The following SLITRK5 variants were observed in gnomAD, a reference collection of about 807,000 sequenced individuals.
SLITRK5 encodes SLIT and NTRK-like protein 5.
Under a neutral mutation model 56.2 loss-of-function variants are expected in SLITRK5, and 23 were observed. The ratio of observed to expected loss-of-function variants is 0.41; its 90% CI spans 0.29 to 0.58. SLITRK5 has a LOEUF of 0.58. Ranked by LOEUF, SLITRK5 falls within the 20% of genes least tolerant of loss-of-function variation. The pLI is 0.30. For missense variants in SLITRK5, 1,289 were observed against 1,226.6 expected (o/e 1.05, Z -0.76); for synonymous variants, 637 against 531.8 (o/e 1.20, Z -2.72).
In SLITRK5 at chr13:87,676,628, A is replaced by T. The variant is rs773460084; in HGVS notation, c.1240A>T (p.Met414Leu). 2 of 1,613,984 alleles carry T rather than the reference A, an allele frequency of 1.2e-6. No homozygotes were observed. Among genetic ancestry groups the T allele is most frequent in the East Asian group, 2.2e-5 (1 of 44,844 alleles). The stretch of plus-strand genomic sequence containing the variant: ...GCCCAAGCCCTACAATCCCAAGAAA[A>T]TGTATCTGACAGAGAACTACATCGC... ...LQPKPYNPKKMYLTENYIAVV... is the reference protein window; with the variant it reads ...LQPKPYNPKKLYLTENYIAVV... Residue 414 changes from methionine (M) to leucine (L), a missense_variant, in exon 2 of 2, where the codon ATG becomes TTG. Met to Leu is a conservative substitution (Grantham distance 15, BLOSUM62 2). This residue lies in a region of SLITRK5 where 985 missense variants were observed against 906.0 expected (regional missense o/e 1.09). Coordinates refer to ENST00000683689, the MANE Select transcript of SLITRK5 (RefSeq NM_001384609.1).
At chr13:87,673,652 G>A in intron 1 of SLITRK5, 1 of 557,758 alleles carries the variant, frequency 1.8e-6, no homozygotes, top group African/African-American at 1.9e-5. Flanking sequence ...TGCGTTGGGA[G>A]GTCGGGGATA....
chr13:87,676,810 G>C lies in SLITRK5; in HGVS notation c.1422G>C (p.Pro474=), dbSNP rs768262602. The change falls in exon 2 of 2, where the codon CCG becomes CCC. Residue 474 remains proline (P), a synonymous_variant. Coordinates refer to ENST00000683689, the MANE Select transcript of SLITRK5 (RefSeq NM_001384609.1). ...GCAACAGGATCGAGAGGCTGAGCCC[G>C]GAGTTATTCTATGGCCTGCAGAGCC... ...LNGNRIERLS[P]ELFYGLQSLQ... The C allele has an allele frequency of 2.5e-6, 4 of 1,614,078 alleles. No homozygotes were observed. The East Asian group carries it at 6.7e-5, about 27-fold the overall frequency.
chr13:87,673,440 A>G (rs1593970524), intron 1 of SLITRK5: 1 of 554,754 alleles, frequency 1.8e-6, no homozygotes, highest in Non-Finnish European at 3.1e-6. Flanking sequence ...TACTGGCTGG[A>G]CTGAATTTGC....
chr13:87,678,276 ACT>A lies in SLITRK5; in HGVS notation c.*16_*17del. On this transcript the variant is annotated 3_prime_UTR_variant, in exon 2 of 2. Transcript: ENST00000683689. ...TTTAGCCAGTTCTAAAAGCAAAGAA[ACT>A]CTCTTGGAGCTTTTGCATTTAAAAC... 1.3e-6 allele frequency: 2 copies of A among 1,587,476 alleles called. No individual in the cohort carries two copies. Among genetic ancestry groups the A allele is most frequent in the Non-Finnish European group, 1.7e-6 (2 of 1,165,700 alleles).
At position 87,676,547 on chromosome 13, in the gene SLITRK5, C is replaced by G; in HGVS notation, c.1159C>G (p.Leu387Val). 1 of 1,614,170 alleles carries G rather than the reference C, an allele frequency of 6.2e-7. No homozygotes were observed. Among genetic ancestry groups the G allele is most frequent in the Non-Finnish European group, 8.5e-7 (1 of 1,180,042 alleles). ...ACSCNLQISDLGLNVNCQERK... is the reference protein window; with the variant it reads ...ACSCNLQISDVGLNVNCQERK... ...CTCTTGCAACCTGCAGATCTCTGATCTGGGCCTCAACGTAAACTGCCAGGA... is the reference window on the plus strand; with the variant it reads ...CTCTTGCAACCTGCAGATCTCTGATGTGGGCCTCAACGTAAACTGCCAGGA... The change falls in exon 2 of 2, where the codon CTG becomes GTG. Residue 387 changes from leucine to valine, a missense_variant. Leu to Val is a conservative substitution (Grantham distance 32). This residue lies in a region of SLITRK5 where 985 missense variants were observed against 906.0 expected (regional missense o/e 1.09). Transcript: ENST00000683689.
At chr13:87,672,366 G>A (rs1327082889) in intron 1 of SLITRK5, among the ~76,000 whole-genome samples, 157 bp downstream of exon 1, 1 of 152,038 alleles carries the variant, frequency 6.6e-6, no homozygotes, top group Non-Finnish European at 1.5e-5. Context: ...GGCCGGCGGG[G>A]CCAGGCAGTC....
At chr13:87,673,344 A>G (rs1877126603) in intron 1 of SLITRK5, 3 of 346,060 alleles carry the variant, frequency 8.7e-6, no homozygotes, top group Admixed American at 8.0e-5. Context: ...GCTAGCAAGG[A>G]GGAGGGGGAA....
chr13:87,674,043 C>T (rs1376468851), intron 1 of SLITRK5, among the ~76,000 whole-genome samples: 1 of 151,736 alleles, frequency 6.6e-6, no homozygotes, highest in Admixed American at 6.6e-5. Flanking sequence ...CACACACACG[C>T]TCATTCCATT....
At position 87,671,491 on chromosome 13, in the gene SLITRK5, A is replaced by G. The variant is rs1206088269; in HGVS notation, c.-727A>G. Among the ~76,000 whole-genome samples the G allele has an allele frequency of 2.0e-5, 3 of 152,052 alleles. No homozygotes were observed. Among genetic ancestry groups the G allele is most frequent in the Non-Finnish European group, 4.4e-5 (3 of 68,006 alleles). Reference sequence around the variant, plus strand: ...GCACCCGCTCCGGAGCAGCTGTCTCAGAGACCCGGTGTTGCTTACCGCGTT... The same window carrying G: ...GCACCCGCTCCGGAGCAGCTGTCTCGGAGACCCGGTGTTGCTTACCGCGTT... On this transcript the variant is annotated 5_prime_UTR_variant, in exon 1 of 2. Coordinates refer to ENST00000683689, the MANE Select transcript of SLITRK5 (RefSeq NM_001384609.1).
intron 1 of SLITRK5, chr13:87,674,280 A>G (rs921583646): frequency 7.2e-6 from 4 of 556,512 alleles, no homozygotes; most frequent in Non-Finnish European, 4.6e-6. Context: ...CCTGAGATTA[A>G]AAAAAAGAGA....
At position 87,678,173 on chromosome 13, in the gene SLITRK5, C is replaced by A; in HGVS notation, c.2785C>A (p.Arg929=). 1.2e-6 allele frequency: 2 copies of A among 1,614,176 alleles called. No individual in the cohort carries two copies. Among genetic ancestry groups the A allele is most frequent in the African/African-American group, 1.3e-5 (1 of 75,052 alleles). ...GAGTGCTGTCTTTGTAGAACCCAACCGGAACGAATATCTGGAGTTAAAAGC... is the reference window on the plus strand; with the variant it reads ...GAGTGCTGTCTTTGTAGAACCCAACAGGAACGAATATCTGGAGTTAAAAGC... ...PPSAVFVEPN[R]NEYLELKAKL... is the part of the protein sequence containing the mutation. The change falls in exon 2 of 2, where the codon CGG becomes AGG. Residue 929 remains arginine, a synonymous_variant. Coordinates refer to ENST00000683689, the MANE Select transcript of SLITRK5 (RefSeq NM_001384609.1).
At chr13:87,674,993 C>G (rs1332855121) in intron 1 of SLITRK5, among the ~76,000 whole-genome samples, 1 of 151,562 alleles carries the variant, frequency 6.6e-6, no homozygotes, top group African/African-American at 2.4e-5. Flanking sequence ...AGGTGGGGAA[C>G]CTTGTAAAAT....
At chr13:87,674,290 A>C (rs1386843635) in intron 1 of SLITRK5, 1 of 579,318 alleles carries the variant, frequency 1.7e-6, no homozygotes. Flanking sequence ...AAAAAAAGAG[A>C]GAGGGGAGCG....
chr13:87,674,313 T>C (rs562677425), intron 1 of SLITRK5: 106 of 763,930 alleles, frequency 1.4e-4, no homozygotes, highest in Non-Finnish European at 1.6e-4. Context: ...AACAATTAAA[T>C]GTAATAAGCA....
At position 87,677,856 on chromosome 13, in the gene SLITRK5, G is replaced by A; in HGVS notation, c.2468G>A (p.Arg823Gln). Residue 823 changes from arginine (R) to glutamine (Q), a missense_variant, in exon 2 of 2, where the codon CGG (arginine) becomes CAG (glutamine). This residue lies in a region of SLITRK5 where 985 missense variants were observed against 906.0 expected (regional missense o/e 1.09). Coordinates refer to ENST00000683689, the MANE Select transcript of SLITRK5 (RefSeq NM_001384609.1). The surrounding 1 kb of genome is among the most constrained non-coding windows in gnomAD (Gnocchi z 4.7). ...CTGCAGCCCGGGGAGGAGGAGAGGC[G>A]GGAAAGCCACCACTTGCGGAGCCCC... is the stretch of plus-strand genomic sequence containing the variant. ...LQLQPGEEER[R>Q]ESHHLRSPAY... 1 of 1,609,262 alleles carries A rather than the reference G, an allele frequency of 6.2e-7. No homozygotes were observed. The highest frequency in any genetic ancestry group is 1.3e-5 in the African/African-American group (1 of 74,958).
chr13:87,678,339 G>T lies in SLITRK5; in HGVS notation c.*74G>T. ...GCAGACACACACAGTGAACACATTT[G>T]ATTAATTGTGTTGTTTCAACGTTTA... On this transcript the variant is annotated 3_prime_UTR_variant, in exon 2 of 2. Transcript: ENST00000683689. 1 of 1,343,522 alleles carries T rather than the reference G, an allele frequency of 7.4e-7. No individual in the cohort carries two copies. Among genetic ancestry groups the T allele is most frequent in the South Asian group, 1.4e-5 (1 of 71,174 alleles). The allele number at this position is 1,343,522 out of a possible 1,614,324, so 83.2% of individuals were successfully genotyped here.
rs1239334056 is a variant in SLITRK5, at chr13:87,671,602, A to G, written c.-616A>G. The stretch of plus-strand genomic sequence containing the variant: ...CGGGCTGCCAGGACAAGCCACAGGC[A>G]TAGAACGACGCGGTTGCTGCCCGCC... On this transcript the variant is annotated 5_prime_UTR_variant, in exon 1 of 2. Coordinates refer to ENST00000683689, the MANE Select transcript of SLITRK5 (RefSeq NM_001384609.1). 1.3e-5 allele frequency among the ~76,000 whole-genome samples: 2 copies of G among 152,038 alleles called. No homozygotes were observed. The highest frequency in any genetic ancestry group is 1.3e-4 in the Admixed American group (2 of 15,278).
chr13:87,676,889 T>C lies in SLITRK5; in HGVS notation c.1501T>C (p.Phe501Leu). The change falls in exon 2 of 2, where the codon TTT becomes CTT. Residue 501 changes from phenylalanine (F) to leucine (L), a missense_variant. Around this residue, in one of 3 missense-constraint regions of SLITRK5, gnomAD observed 985 missense variants for 906.0 expected, o/e 1.09. Transcript: ENST00000683689. The part of the protein sequence containing the change: ...NLIREIQSGT[F>L]DPVPNLQLLF... Reference sequence around the variant, plus strand: ...CATCCGCGAGATTCAGTCTGGAACTTTTGACCCGGTCCCAAACCTCCAGCT... The same window carrying C: ...CATCCGCGAGATTCAGTCTGGAACTCTTGACCCGGTCCCAAACCTCCAGCT... The C allele has an allele frequency of 6.2e-7, 1 of 1,614,092 alleles. No homozygotes were observed. Among genetic ancestry groups the C allele is most frequent in the Non-Finnish European group, 8.5e-7 (1 of 1,180,008 alleles).
rs1391179730 is a variant in SLITRK5 at position 87,677,380 on chromosome 13, T to G, written c.1992T>G (p.Ser664=). The part of the protein sequence containing the change: ...AGGGASSVPL[S]VLILSLLLVF... ...GAGGGGCGTCGTCGGTGCCCTTGTC[T>G]GTGTTAATTCTCAGCCTCCTGCTGG... The change falls in exon 2 of 2, where the codon TCT becomes TCG. Residue 664 remains serine, a synonymous_variant. Transcript: ENST00000683689. The surrounding 1 kb of genome is among the most constrained non-coding windows in gnomAD (Gnocchi z 4.7). 1 of 1,613,922 alleles carries G rather than the reference T, an allele frequency of 6.2e-7. No individual in the cohort carries two copies. The highest frequency in any genetic ancestry group is 8.5e-7 in the Non-Finnish European group (1 of 1,179,976).
Sources: gnomAD v4.1 joint callset for allele counts (sites outside exome capture counted in the v4.1 genomes callset) on GRCh38, gnomAD v4.1.1 for gene constraint, gnomAD v4.1.1 regional missense constraint, Gnocchi (gnomAD v3.1) non-coding constraint, MANE v1.5 for transcripts, NCBI Gene and HGNC (gene_info 2026-07-23, HGNC 2026-07-21) for gene names.